PKNOX2: variants seen among roughly 807,000 people sequenced by gnomAD.
The protein encoded by PKNOX2 is homeobox protein PKNOX2.
A neutral mutation model predicts 53.1 loss-of-function variants in PKNOX2; 14 were observed. The observed-to-expected ratio is 0.26, with a 90% CI of 0.17 to 0.41. The LOEUF (loss-of-function observed/expected upper bound fraction) is 0.41, where lower values mean the gene tolerates loss of function less well. Ranked by LOEUF, PKNOX2 falls within the 10% of genes least tolerant of loss-of-function variation. PKNOX2 has a pLI of 1.00. For synonymous variants in PKNOX2, 257 were observed against 242.8 expected (o/e 1.06, Z -0.54); for missense variants, 496 against 602.8 (o/e 0.82, Z 1.85).
At chr11:125,200,170 C>A (rs1193247381) in intron 1 of PKNOX2, among the ~76,000 whole-genome samples, 1 of 152,206 alleles carries the variant, frequency 6.6e-6, no homozygotes, top group Non-Finnish European at 1.5e-5. Context: ...GGAGCAGGGA[C>A]CAGAGGGCCC....
At chr11:125,381,734 C>T (rs554073129) in intron 5 of PKNOX2, among the ~76,000 whole-genome samples, 1 of 152,326 alleles carries the variant, frequency 6.6e-6, no homozygotes, top group South Asian at 2.1e-4. Flanking sequence ...TCTCCCTCCA[C>T]TCCCCACCTG....
At chr11:125,176,150 C>A (rs369979558) in intron 1 of PKNOX2, among the ~76,000 whole-genome samples, 1 of 152,092 alleles carries the variant, frequency 6.6e-6, no homozygotes, top group Non-Finnish European at 1.5e-5. Flanking sequence ...GTCAACCAAC[C>A]GGAATTGGGG....
chr11:125,269,374 C>T (rs1215306931), intron 2 of PKNOX2, among the ~76,000 whole-genome samples: 1 of 152,210 alleles, frequency 6.6e-6, no homozygotes, highest in Non-Finnish European at 1.5e-5. Context: ...TTTATGCTTT[C>T]TCTCTGTGGC....
intron 1 of PKNOX2, chr11:125,184,229 G>T (rs1025234064): frequency 3.3e-5 from 5 of 152,282 alleles, no homozygotes; most frequent in Admixed American, 3.3e-4. Context: ...GCTCTCAGAG[G>T]AAGGACAGAC....
At chr11:125,261,102 A>G (rs1413070165) in intron 2 of PKNOX2, among the ~76,000 whole-genome samples, 1 of 152,100 alleles carries the variant, frequency 6.6e-6, no homozygotes, top group African/African-American at 2.4e-5. Context: ...AATGCTTGTC[A>G]TTTTTCAGGT....
chr11:125,411,454 CTCTG>C (rs1484370986), intron 9 of PKNOX2: 2 of 435,746 alleles, frequency 4.6e-6, no homozygotes, highest in Non-Finnish European at 8.4e-6. Flanking sequence ...GCCCTGTTTC[CTCTG>C]TCTTTCTCTC....
chr11:125,308,532 G>A (rs941322560), intron 2 of PKNOX2, among the ~76,000 whole-genome samples: 4 of 152,138 alleles, frequency 2.6e-5, no homozygotes, highest in African/African-American at 9.7e-5. Context: ...CGGAATGCAG[G>A]GCCAGATTTA....
chr11:125,393,730 G>A (rs1173086325), intron 6 of PKNOX2, among the ~76,000 whole-genome samples: 2 of 152,130 alleles, frequency 1.3e-5, no homozygotes, highest in African/African-American at 4.8e-5. Context: ...GGAGATCAGA[G>A]CAGCTGAGAA....
At chr11:125,186,495 A>G (rs575844175) in intron 1 of PKNOX2, among the ~76,000 whole-genome samples, 1 of 152,208 alleles carries the variant, frequency 6.6e-6, no homozygotes, top group South Asian at 2.1e-4. Context: ...CTACCAAAAA[A>G]TAAAAAATTA....
chr11:125,421,633 C>T lies in PKNOX2; in HGVS notation c.937-7379C>T, dbSNP rs533632635. Among the ~76,000 whole-genome samples the T allele has an allele frequency of 3.9e-5, 6 of 152,320 alleles. 1 individual carries two copies. The highest frequency in any genetic ancestry group is 2.6e-4 in the Admixed American group (4 of 15,300). On this transcript the variant is annotated intron_variant, in intron 10 of 12. Coordinates refer to ENST00000298282, the MANE Select transcript of PKNOX2 (RefSeq NM_001382323.2). ...TGACAATATGTTAGAAAACACAGTG[C>T]CTGAAGGGTGGCCACGTGTTCAGCA...
intron 2 of PKNOX2, among the ~76,000 whole-genome samples, chr11:125,322,671 C>T (rs1949592170): frequency 6.6e-6 from 1 of 152,214 alleles, no homozygotes; most frequent in Non-Finnish European, 1.5e-5. Flanking sequence ...GGCTGCAGAG[C>T]TGGAAGGGGG....
At position 125,255,330 on chromosome 11, in the gene PKNOX2, T is replaced by C. The variant is rs993363343; in HGVS notation, c.-130+20215T>C. Among the ~76,000 whole-genome samples, 5 of 152,182 alleles carry C rather than the reference T, an allele frequency of 3.3e-5. No homozygotes were observed. In the South Asian group the frequency reaches 6.2e-4, roughly 19 times the overall value. ...GATGCCTCAAGACCCCTCATTTCCC[T>C]GAGCTCTAGCCTCGCTCATATCATG... is the stretch of plus-strand genomic sequence containing the variant. On this transcript the variant is annotated intron_variant, in intron 2 of 12. Transcript: ENST00000298282.
At chr11:125,244,751 C>A (rs11219985) in intron 2 of PKNOX2, among the ~76,000 whole-genome samples, 101 of 152,306 alleles carry the variant, frequency 6.6e-4, no homozygotes, top group Non-Finnish European at 1.3e-3. Context: ...TTTATTACAG[C>A]GGGAAATTGG....
At chr11:125,362,630 C>T (rs1272296836) in intron 4 of PKNOX2, among the ~76,000 whole-genome samples, 1 of 152,190 alleles carries the variant, frequency 6.6e-6, no homozygotes, top group Non-Finnish European at 1.5e-5. Context: ...TTCAGCCTCC[C>T]AGAGCACTGA....
chr11:125,322,040 G>A (rs978611570), intron 2 of PKNOX2, among the ~76,000 whole-genome samples: 1 of 152,142 alleles, frequency 6.6e-6, no homozygotes, highest in Non-Finnish European at 1.5e-5. Flanking sequence ...TAGCACCACA[G>A]TGGGGATCAG....
chr11:125,254,399 G>A (rs1944249857), intron 2 of PKNOX2, among the ~76,000 whole-genome samples: 1 of 152,190 alleles, frequency 6.6e-6, no homozygotes, highest in Non-Finnish European at 1.5e-5. Flanking sequence ...TCACCCAGTG[G>A]GATCTGCCTG....
intron 3 of PKNOX2, among the ~76,000 whole-genome samples, chr11:125,344,213 C>T (rs1662219930): frequency 6.6e-6 from 1 of 152,198 alleles, no homozygotes; most frequent in South Asian, 2.1e-4. Flanking sequence ...TCAGTGAGTG[C>T]ATAAGTGATC....
intron 2 of PKNOX2, among the ~76,000 whole-genome samples, chr11:125,236,217 C>CT (rs1166328559): frequency 6.6e-6 from 1 of 152,240 alleles, no homozygotes; most frequent in Non-Finnish European, 1.5e-5. Flanking sequence ...GCCCTCCCGC[C>CT]TAATGGCCTG....
chr11:125,187,923 C>A (rs890381087), intron 1 of PKNOX2, among the ~76,000 whole-genome samples: 5 of 152,232 alleles, frequency 3.3e-5, no homozygotes, highest in African/African-American at 4.8e-5. Flanking sequence ...GAGTCTTGCT[C>A]AGAGCAAATA....
Sources: gnomAD v4.1 joint callset for allele counts (sites outside exome capture counted in the v4.1 genomes callset) on GRCh38, gnomAD v4.1.1 for gene constraint, MANE v1.5 for transcripts, NCBI Gene and HGNC (gene_info 2026-07-23, HGNC 2026-07-21) for gene names.